The following SMURF1 variants were observed in gnomAD, a reference collection of about 807,000 sequenced individuals.
The protein encoded by SMURF1 is E3 ubiquitin-protein ligase SMURF1.
In SMURF1, 44 loss-of-function variants were observed where a neutral mutation model predicts 98.0. The ratio of observed to expected loss-of-function variants is 0.45; its 90% confidence interval spans 0.35 to 0.58. SMURF1 has a LOEUF of 0.58. SMURF1 is among the 20% of genes least tolerant of loss of function. The pLI is 0.00. For missense variants in SMURF1, 687 were observed against 938.4 expected (o/e 0.73, Z 3.50); for synonymous variants, 396 against 374.9 (o/e 1.06, Z -0.65).
chr7:99,065,508 G>T (rs1223356548), intron 1 of SMURF1, among the ~76,000 whole-genome samples: 2 of 152,094 alleles, frequency 1.3e-5, no homozygotes, highest in African/African-American at 4.8e-5. Context: ...ATTGTTATTT[G>T]GATATAGACG....
At chr7:99,107,225 C>T (rs1797213153) in intron 1 of SMURF1, among the ~76,000 whole-genome samples, 2 of 152,144 alleles carry the variant, frequency 1.3e-5, no homozygotes, top group African/African-American at 4.8e-5. Flanking sequence ...TTATAGAAAG[C>T]ATTCTTTTCT....
intron 1 of SMURF1, among the ~76,000 whole-genome samples, chr7:99,110,671 T>G (rs1156826704): frequency 6.6e-6 from 1 of 152,258 alleles, no homozygotes; most frequent in Non-Finnish European, 1.5e-5. Context: ...GCCATATCTA[T>G]CATATCTTTT....
chr7:99,112,164 A>G (rs139247479), intron 1 of SMURF1, among the ~76,000 whole-genome samples: 20 of 152,302 alleles, frequency 1.3e-4, no homozygotes, highest in African/African-American at 3.4e-4. Context: ...AACTGGGTGC[A>G]TGCTCAGAAA....
At chr7:99,068,454 C>G (rs1248959146) in intron 1 of SMURF1, among the ~76,000 whole-genome samples, 1 of 152,136 alleles carries the variant, frequency 6.6e-6, no homozygotes, top group African/African-American at 2.4e-5. Flanking sequence ...CTATGCTCAG[C>G]TAATTTTCCT....
chr7:99,088,509 T>G (rs1291739953), intron 1 of SMURF1, among the ~76,000 whole-genome samples: 1 of 151,778 alleles, frequency 6.6e-6, no homozygotes, highest in Non-Finnish European at 1.5e-5. Context: ...GGTACTTACA[T>G]AGCTCTCCAA....
chr7:99,098,943 A>G (rs1349173426), intron 1 of SMURF1, among the ~76,000 whole-genome samples: 5 of 152,214 alleles, frequency 3.3e-5, no homozygotes, highest in African/African-American at 9.7e-5. Context: ...GCAGCAGCAA[A>G]GACAAGGAAA....
intron 1 of SMURF1, among the ~76,000 whole-genome samples, chr7:99,143,185 G>A (rs1392294739): frequency 7.1e-6 from 1 of 140,258 alleles, no homozygotes; most frequent in Non-Finnish European, 1.6e-5. Flanking sequence ...CCAGAGAGAT[G>A]GGCGGGGTCA....
chr7:99,117,796 T>C (rs1165541034), intron 1 of SMURF1, among the ~76,000 whole-genome samples: 2 of 151,784 alleles, frequency 1.3e-5, no homozygotes, highest in Admixed American at 1.3e-4. Flanking sequence ...CAAGAATATA[T>C]ATGCTGAGCG....
At chr7:99,110,323 T>C (rs1316216141) in intron 1 of SMURF1, among the ~76,000 whole-genome samples, 5 of 152,202 alleles carry the variant, frequency 3.3e-5, no homozygotes, top group East Asian at 1.9e-4. Flanking sequence ...ACATAACAAG[T>C]TCTTGGATAA....
chr7:99,101,955 T>A (rs1171892313), intron 1 of SMURF1, among the ~76,000 whole-genome samples: 3 of 151,416 alleles, frequency 2.0e-5, no homozygotes, highest in African/African-American at 7.3e-5. Flanking sequence ...AAAAGATACA[T>A]ACAAAACAAG....
At chr7:99,059,653 TA>T (rs1422734470) in intron 3 of SMURF1, among the ~76,000 whole-genome samples, 1 of 152,134 alleles carries the variant, frequency 6.6e-6, no homozygotes, top group Non-Finnish European at 1.5e-5. Flanking sequence ...CTCACGCCTG[TA>T]ATCCCAGAAC....
intron 1 of SMURF1, among the ~76,000 whole-genome samples, chr7:99,093,231 C>T (rs778922118): frequency 2.6e-5 from 4 of 152,128 alleles, no homozygotes; most frequent in African/African-American, 7.2e-5. Flanking sequence ...AAGAAGGTTT[C>T]GTGTTCTCTG....
At chr7:99,042,333 G>A (rs371491300) in intron 11 of SMURF1, 101 bp from the exon 12 acceptor site, 1 of 729,458 alleles carries the variant, frequency 1.4e-6, no homozygotes. Flanking sequence ...AGGCTGGAGT[G>A]CAGTGGCATG....
intron 1 of SMURF1, among the ~76,000 whole-genome samples, chr7:99,084,205 T>C (rs1262979069): frequency 6.6e-6 from 1 of 152,234 alleles, no homozygotes; most frequent in Non-Finnish European, 1.5e-5. Flanking sequence ...CTACACTGCT[T>C]AAGTACTTCC....
rs765810686 is a variant in SMURF1, at chr7:99,057,264, C to T, written c.344G>A (p.Arg115His). 1.2e-5 allele frequency: 19 copies of T among 1,613,984 alleles called. No homozygotes were observed. Among genetic ancestry groups the T allele is most frequent in the South Asian group, 3.3e-5 (3 of 91,084 alleles). ...ISRLKDTGYQ[R>H]LDLCKLNPSD... ...GGGGTTTAGTTTGCATAGATCCAAACGCTGGTCTGTAAACAAACAATTCAA... is the reference window on the plus strand; with the variant it reads ...GGGGTTTAGTTTGCATAGATCCAAATGCTGGTCTGTAAACAAACAATTCAA... The change falls in exon 5 of 18, where the codon CGT becomes CAT. Residue 115 changes from arginine to histidine, a missense_variant. Arg to His is a conservative substitution (Grantham distance 29, BLOSUM62 0). Transcript: ENST00000361368.
At chr7:99,134,397 A>G (rs539625875) in intron 1 of SMURF1, among the ~76,000 whole-genome samples, 1 of 152,244 alleles carries the variant, frequency 6.6e-6, no homozygotes, top group South Asian at 2.1e-4. Flanking sequence ...TACAGACGGG[A>G]GGTATTAGTA....
chr7:99,113,807 C>T lies in SMURF1; in HGVS notation c.55+29919G>A, dbSNP rs182211022. Among the ~76,000 whole-genome samples, 393 of 133,970 alleles carry T rather than the reference C, an allele frequency of 2.9e-3. 2 individuals carry two copies. Among genetic ancestry groups the T allele is most frequent in the African/African-American group, 0.011 (377 of 34,792 alleles). The allele number at this position is 133,970 out of a possible 152,430, so 87.9% of individuals were successfully genotyped here. A position where few individuals can be genotyped will look rare whatever the true frequency, so the allele number is the denominator to read the frequency against. On this transcript the variant is annotated intron_variant, in intron 1 of 17. Coordinates refer to ENST00000361368, the MANE Select transcript of SMURF1 (RefSeq NM_181349.3). Reference sequence around the variant, plus strand: ...TGAGCCGAGATCATGCCACTGCACTCCAGCCTGGGTGACAAAGTGAGACTC... The same window carrying T: ...TGAGCCGAGATCATGCCACTGCACTTCAGCCTGGGTGACAAAGTGAGACTC...
At chr7:99,091,218 A>C (rs1379346318) in intron 1 of SMURF1, among the ~76,000 whole-genome samples, 2 of 152,190 alleles carry the variant, frequency 1.3e-5, no homozygotes, top group Admixed American at 6.5e-5. Context: ...ATATTCCCAA[A>C]AACACTACCC....
At chr7:99,069,534 A>G (rs1388577214) in intron 1 of SMURF1, among the ~76,000 whole-genome samples, 2 of 152,020 alleles carry the variant, frequency 1.3e-5, no homozygotes, top group African/African-American at 2.4e-5. Context: ...TAATTTTTCA[A>G]TTTCTTGTAG....
Sources: allele counts gnomAD v4.1 joint callset (sites outside exome capture counted in the v4.1 genomes callset), GRCh38; gene constraint gnomAD v4.1.1; transcripts MANE v1.5; gene names NCBI Gene and HGNC (gene_info 2026-07-23, HGNC 2026-07-21).